The following FOXK1 variants were observed in gnomAD, a reference collection of about 807,000 sequenced individuals.
FOXK1 encodes the protein forkhead box K1.
A neutral mutation model predicts 51.9 loss-of-function variants in FOXK1; 19 were observed. That is an observed-to-expected ratio of 0.37 (90% CI 0.26 to 0.54). The LOEUF is 0.54. FOXK1 is among the 20% of genes least tolerant of loss of function. The pLI is 0.87. For synonymous variants in FOXK1, 537 were observed against 482.6 expected, an observed-to-expected ratio of 1.11 and a Z score of -1.48; for missense variants, 870 against 1,032.7, an observed-to-expected ratio of 0.84 and a Z score of 2.16.
intron 7 of FOXK1, 109 bp downstream of exon 7, chr7:4,759,704 T>C (rs1343893617): frequency 1.3e-5 from 16 of 1,264,016 alleles, no homozygotes; most frequent in Non-Finnish European, 1.7e-5. Flanking sequence ...AGGAGGATGA[T>C]TCTCTGCTTC....
rs1780895091 is a variant in FOXK1, at chr7:4,759,131, G to A, written c.1325G>A (p.Arg442Gln). 2 of 1,612,382 alleles carry A rather than the reference G, an allele frequency of 1.2e-6. No individual in the cohort carries two copies. Among genetic ancestry groups the A allele is most frequent in the Non-Finnish European group, 1.7e-6 (2 of 1,179,886 alleles). The stretch of plus-strand genomic sequence containing the variant: ...CTGCAGACCCCAGAGTGCCTGTCTC[G>A]GGAGGGCTCCCCCATTCCACACGAC... Reference protein sequence around the residue: ...GGLQTPECLSREGSPIPHDPE... With the variant: ...GGLQTPECLSQEGSPIPHDPE... Residue 442 changes from arginine to glutamine, a missense_variant, in exon 6 of 9, where the codon CGG (arginine) becomes CAG (glutamine). Physicochemically the swap from Arg to Gln is conservative, Grantham distance 43 (BLOSUM62 1). Coordinates refer to ENST00000328914, the MANE Select transcript of FOXK1 (RefSeq NM_001037165.2).
At position 4,763,845 on chromosome 7, in the gene FOXK1, TAA is replaced by T. The variant is rs1780971433; in HGVS notation, c.*1383_*1384del. The T allele has an allele frequency of 6.6e-6, 1 of 152,274 alleles. No homozygotes were observed. Among genetic ancestry groups the T allele is most frequent in the South Asian group, 2.1e-4 (1 of 4,832 alleles). The allele number at this position is 152,274 out of a possible 1,614,324, so 9.4% of individuals were successfully genotyped here. A position where few individuals can be genotyped will look rare whatever the true frequency, so the allele number is the denominator to read the frequency against. On this transcript the variant is annotated 3_prime_UTR_variant, in exon 9 of 9. Transcript: ENST00000328914. Reference sequence around the variant, plus strand: ...CTTGGAGATGCGAAGTGCGTCCTCGTAAAGGTCAGCTGTCAGTTTTGCTGGCC... The same window carrying T: ...CTTGGAGATGCGAAGTGCGTCCTCGTAGGTCAGCTGTCAGTTTTGCTGGCC...
At chr7:4,704,939 C>A (rs1211422550) in intron 1 of FOXK1, among the ~76,000 whole-genome samples, 1 of 149,820 alleles carries the variant, frequency 6.7e-6, no homozygotes, top group African/African-American at 2.5e-5. Flanking sequence ...TCAAGTGATT[C>A]TCCTGCCTCA....
In FOXK1 at chr7:4,735,621, A is replaced by G. The variant is rs999584461; in HGVS notation, c.561-5217A>G. ...TCCACAGATGGGCACTTGCTCGTAC[A>G]GGAACCTTTCCGCCGGGCTGGTGGA... On this transcript the variant is annotated intron_variant, in intron 1 of 8. Coordinates refer to ENST00000328914, the MANE Select transcript of FOXK1 (RefSeq NM_001037165.2). This position sits in a 1 kb window ranked among gnomAD's most constrained non-coding sequence, Gnocchi z 4.7. Among the ~76,000 whole-genome samples, 11 of 152,174 alleles carry G rather than the reference A, an allele frequency of 7.2e-5. No individual in the cohort carries two copies. The highest frequency in any genetic ancestry group is 2.2e-4 in the African/African-American group (9 of 41,444).
intron 1 of FOXK1, among the ~76,000 whole-genome samples, chr7:4,736,749 A>G (rs1780557712): frequency 6.6e-6 from 1 of 152,200 alleles, no homozygotes. Flanking sequence ...CACCTTTGAG[A>G]TGGTGTCTTC....
At chr7:4,725,107 G>A (rs923250006) in intron 1 of FOXK1, among the ~76,000 whole-genome samples, 8 of 152,234 alleles carry the variant, frequency 5.3e-5, no homozygotes, top group East Asian at 1.9e-4. Flanking sequence ...CCGCGCCCAC[G>A]TTGCCCTAAA....
In FOXK1 at chr7:4,731,211, A is replaced by G. The variant is rs1353112361; in HGVS notation, c.561-9627A>G. On this transcript the variant is annotated intron_variant, in intron 1 of 8. Coordinates refer to ENST00000328914, the MANE Select transcript of FOXK1 (RefSeq NM_001037165.2). The surrounding 1 kb of genome is among the most constrained non-coding windows in gnomAD (Gnocchi z 5.3). ...GGTGGGTGAGCATCCCTGCAAGTCAAGCTCTGCTGTTCCCCGGCCTTCCCT... is the reference window on the plus strand; with the variant it reads ...GGTGGGTGAGCATCCCTGCAAGTCAGGCTCTGCTGTTCCCCGGCCTTCCCT... Among the ~76,000 whole-genome samples the G allele has an allele frequency of 6.6e-6, 1 of 152,132 alleles. No individual in the cohort carries two copies. The highest frequency in any genetic ancestry group is 1.9e-4 in the East Asian group (1 of 5,174).
chr7:4,741,871 C>A (rs1307943647), intron 2 of FOXK1, among the ~76,000 whole-genome samples: 1 of 152,192 alleles, frequency 6.6e-6, no homozygotes, highest in African/African-American at 2.4e-5. Context: ...GAGTCACACA[C>A]GAACCTCAGG....
At chr7:4,697,613 A>T (rs1365314097) in intron 1 of FOXK1, among the ~76,000 whole-genome samples, 1 of 152,122 alleles carries the variant, frequency 6.6e-6, no homozygotes, top group Non-Finnish European at 1.5e-5. Context: ...TGGGTTCATC[A>T]GCACCTTTTA....
In FOXK1 at chr7:4,743,879, CTTTT is replaced by C. The variant is rs34815763; in HGVS notation, c.746+2868_746+2871del. Among the ~76,000 whole-genome samples, 1 of 136,872 alleles carries C rather than the reference CTTTT, an allele frequency of 7.3e-6. No homozygotes were observed. 89.8% of individuals were successfully genotyped at this position (136,872 alleles called of 152,430 possible). A position where few individuals can be genotyped will look rare whatever the true frequency, so the allele number is the denominator to read the frequency against. Reference sequence around the variant, plus strand: ...AGGTTGTAATCCAGCTAAACAGAAGCTTTTTTTTTTTTTTTGAGACGGAGTCTTG... The same window carrying C: ...AGGTTGTAATCCAGCTAAACAGAAGCTTTTTTTTTTTGAGACGGAGTCTTG... On this transcript the variant is annotated intron_variant, in intron 2 of 8. Coordinates refer to ENST00000328914, the MANE Select transcript of FOXK1 (RefSeq NM_001037165.2). The surrounding 1 kb of genome is among the most constrained non-coding windows in gnomAD (Gnocchi z 5.3).
At chr7:4,714,232 A>AAGG (rs1183659448) in intron 1 of FOXK1, among the ~76,000 whole-genome samples, 3 of 152,160 alleles carry the variant, frequency 2.0e-5, no homozygotes, top group African/African-American at 7.2e-5. Flanking sequence ...AAGACAGAAC[A>AAGG]AGGAGAGAAC....
Position 4,762,185 on chromosome 7 carries a change from C to T in FOXK1, c.1923C>T (p.Ala641=), listed in dbSNP as rs1178201746. 4 of 1,549,068 alleles carry T rather than the reference C, an allele frequency of 2.6e-6. No individual in the cohort carries two copies. Among genetic ancestry groups the T allele is most frequent in the Non-Finnish European group, 3.5e-6 (4 of 1,144,186 alleles). Residue 641 remains alanine (A), a splice_region_variant and synonymous_variant, in exon 9 of 9, where the codon GCC becomes GCT. Transcript: ENST00000328914. The surrounding 1 kb of genome is among the most constrained non-coding windows in gnomAD (Gnocchi z 5.7). ...PTNSLAGNAY[A]LTSPLQLLAT... ...AACCCTCTTCTTCCTCCACTCCAGC[C>T]CTCACCAGCCCTTTGCAGCTCCTTG...
At position 4,755,294 on chromosome 7, in the gene FOXK1, G is replaced by A. The variant is rs184072665; in HGVS notation, c.961G>A (p.Ala321Thr). Residue 321 changes from alanine to threonine, a missense_variant, in exon 4 of 9, where the codon GCC (alanine) becomes ACC (threonine). Around this residue, in one of 3 missense-constraint regions of FOXK1, gnomAD observed 399 missense variants for 475.6 expected, o/e 0.84. Transcript: ENST00000328914. The surrounding 1 kb of genome is among the most constrained non-coding windows in gnomAD (Gnocchi z 6.6). Reference protein sequence around the residue: ...AQLIVQAISSAQDRQLTLSGI... With the variant: ...AQLIVQAISSTQDRQLTLSGI... ...GCTGATCGTGCAGGCCATCTCCTCC[G>A]CCCAGGACCGGCAGCTGACCCTGAG... 54 of 1,613,934 alleles carry A rather than the reference G, an allele frequency of 3.3e-5. No individual in the cohort carries two copies. Among genetic ancestry groups the A allele is most frequent in the Admixed American group, 1.0e-4 (6 of 60,016 alleles).
intron 1 of FOXK1, among the ~76,000 whole-genome samples, chr7:4,705,849 C>G (rs138000644): frequency 4.0e-4 from 60 of 149,556 alleles, no homozygotes; most frequent in African/African-American, 1.5e-3. Flanking sequence ...CGTGTCATTT[C>G]TTTTTGTAGG....
intron 1 of FOXK1, among the ~76,000 whole-genome samples, chr7:4,705,186 A>G (rs531877435): frequency 6.6e-6 from 1 of 151,436 alleles, no homozygotes; most frequent in Non-Finnish European, 1.5e-5. Context: ...TCAGAATTTT[A>G]TTGTTTTGTT....
chr7:4,747,819 T>C lies in FOXK1; in HGVS notation c.747-6640T>C, dbSNP rs1780725175. Among the ~76,000 whole-genome samples the C allele has an allele frequency of 6.6e-6, 1 of 151,886 alleles. No homozygotes were observed. The highest frequency in any genetic ancestry group is 2.4e-5 in the African/African-American group (1 of 41,328). ...TGCCAAGATTACAAGCCTGGGCCTG[T>C]TTTTGTTGTGGTTGTTGTTGCCTTT... On this transcript the variant is annotated intron_variant, in intron 2 of 8. Transcript: ENST00000328914. This position sits in a 1 kb window ranked among gnomAD's most constrained non-coding sequence, Gnocchi z 9.2.
intron 1 of FOXK1, among the ~76,000 whole-genome samples, chr7:4,706,016 ATATATACG>A (rs1562373171): frequency 5.2e-5 from 4 of 77,368 alleles, no homozygotes; most frequent in African/African-American, 4.2e-4. Context: ...ATATATACGT[ATATATACG>A]TGTATATACG....
intron 1 of FOXK1, among the ~76,000 whole-genome samples, chr7:4,696,808 C>T (rs999050640): frequency 2.0e-5 from 3 of 152,214 alleles, no homozygotes; most frequent in Non-Finnish European, 2.9e-5. Context: ...TGGCTCACGC[C>T]TGTAATCCTA....
chr7:4,756,591 C>T lies in FOXK1; in HGVS notation c.1051-403C>T, dbSNP rs1433456518. ...GGTTAAGCCCAAGAGTGTGAGACCC[C>T]ATCTCAACTAAAAATACAAAAAAAT... On this transcript the variant is annotated intron_variant, in intron 4 of 8. Coordinates refer to ENST00000328914, the MANE Select transcript of FOXK1 (RefSeq NM_001037165.2). The surrounding 1 kb of genome is among the most constrained non-coding windows in gnomAD (Gnocchi z 4.1). 1.3e-5 allele frequency among the ~76,000 whole-genome samples: 2 copies of T among 151,578 alleles called. No homozygotes were observed. The highest frequency in any genetic ancestry group is 4.8e-5 in the African/African-American group (2 of 41,288).
Sources: allele counts gnomAD v4.1 joint callset (sites outside exome capture counted in the v4.1 genomes callset), GRCh38; gene constraint gnomAD v4.1.1; regional missense constraint gnomAD v4.1.1; non-coding constraint Gnocchi (gnomAD v3.1); transcripts MANE v1.5; gene names NCBI Gene and HGNC (gene_info 2026-07-23, HGNC 2026-07-21).